Variants in PTPRN2 observed in about 807,000 individuals in gnomAD.
PTPRN2 encodes protein tyrosine phosphatase receptor type N2.
A neutral mutation model predicts 118.8 loss-of-function variants in PTPRN2; 74 were observed. That is an observed-to-expected ratio of 0.62 (90% CI 0.52 to 0.76). The LOEUF (loss-of-function observed/expected upper bound fraction) is 0.76, where lower values mean the gene tolerates loss of function less well. PTPRN2 is among the 30% of genes least tolerant of loss of function. The pLI, the probability that PTPRN2 is intolerant of heterozygous loss-of-function variation, is 0.00. For synonymous variants in PTPRN2, 641 were observed against 608.0 expected (o/e 1.05, Z -0.80); for missense variants, 1,481 against 1,394.4 (o/e 1.06, Z -0.99).
In PTPRN2 at chr7:158,090,009, A is replaced by G. The variant is rs1156659121; in HGVS notation, c.1644-8632T>C. On this transcript the variant is annotated intron_variant, in intron 10 of 22. Coordinates refer to ENST00000389418, the MANE Select transcript of PTPRN2 (RefSeq NM_002847.5). Reference sequence around the variant, plus strand: ...CCCTTCCTCCCCTGACGAAAGAGGGAGTCTTCACACAAACCCTTCCTCCCC... The same window carrying G: ...CCCTTCCTCCCCTGACGAAAGAGGGGGTCTTCACACAAACCCTTCCTCCCC... Among the ~76,000 whole-genome samples the G allele has an allele frequency of 7.4e-5, 3 of 40,808 alleles. 1 individual carries two copies. The highest frequency in any genetic ancestry group is 2.5e-4 in the Non-Finnish European group (3 of 12,142). The allele number at this position is 40,808 out of a possible 152,430, so 26.8% of individuals were successfully genotyped here.
At chr7:158,187,212 A>G (rs1301884551) in intron 5 of PTPRN2, among the ~76,000 whole-genome samples, 1 of 152,230 alleles carries the variant, frequency 6.6e-6, no homozygotes, top group African/African-American at 2.4e-5. Context: ...TTATATTCCC[A>G]GTGGAATAAA....
chr7:158,071,636 G>T (rs1585340105), intron 11 of PTPRN2, among the ~76,000 whole-genome samples: 1 of 141,216 alleles, frequency 7.1e-6, no homozygotes, highest in Non-Finnish European at 1.6e-5. Context: ...TCGTGGTGGT[G>T]GAGATGCTCG....
At chr7:158,370,797 C>A (rs898115263) in intron 2 of PTPRN2, among the ~76,000 whole-genome samples, 1 of 151,930 alleles carries the variant, frequency 6.6e-6, no homozygotes, top group Non-Finnish European at 1.5e-5. Flanking sequence ...GCTGGGAGAA[C>A]CAGAATAAAT....
chr7:157,891,611 G>A (rs938270978), intron 12 of PTPRN2, among the ~76,000 whole-genome samples: 9 of 151,768 alleles, frequency 5.9e-5, no homozygotes, highest in African/African-American at 2.2e-4. Context: ...ATTTTTCATG[G>A]GGTGGATGCA....
At chr7:158,536,801 G>A (rs1181547544) in intron 1 of PTPRN2, among the ~76,000 whole-genome samples, 9 of 146,196 alleles carry the variant, frequency 6.2e-5, no homozygotes, top group Admixed American at 2.0e-4. Flanking sequence ...TTCCCAGCCT[G>A]CCATCACTGA....
At chr7:158,192,251 C>T in intron 5 of PTPRN2, 76 bp downstream of exon 5, 1 of 1,359,768 alleles carries the variant, frequency 7.4e-7, no homozygotes, top group Non-Finnish European at 9.6e-7. Context: ...GAGCCAGCGA[C>T]TAAGGAAACA....
intron 6 of PTPRN2, among the ~76,000 whole-genome samples, chr7:158,149,502 A>G (rs1038106681): frequency 1.3e-5 from 2 of 151,932 alleles, no homozygotes; most frequent in Admixed American, 6.6e-5. Flanking sequence ...TAACTCACTG[A>G]TTTTTAAAAA....
chr7:158,011,559 T>A (rs925067893), intron 11 of PTPRN2, among the ~76,000 whole-genome samples: 5 of 152,178 alleles, frequency 3.3e-5, no homozygotes, highest in Non-Finnish European at 7.3e-5. Context: ...TAAGAACATA[T>A]CATGATGCTT....
At chr7:157,852,262 A>C (rs944157353) in intron 12 of PTPRN2, among the ~76,000 whole-genome samples, 5 of 152,248 alleles carry the variant, frequency 3.3e-5, no homozygotes, top group African/African-American at 1.2e-4. Context: ...ATTTTTTTAA[A>C]AGTCAGTTTG....
At position 158,544,309 on chromosome 7, in the gene PTPRN2, C is replaced by G. The variant is rs1826158767; in HGVS notation, c.112+43249G>C. ...CCCACGAGATGGCTCTGAATGTGGC[C>G]CAACACAAATTCATAAACTTTCTTA... On this transcript the variant is annotated intron_variant, in intron 1 of 22. Coordinates refer to ENST00000389418, the MANE Select transcript of PTPRN2 (RefSeq NM_002847.5). This position sits in a 1 kb window ranked among gnomAD's most constrained non-coding sequence, Gnocchi z 4.2. Among the ~76,000 whole-genome samples, 1 of 151,946 alleles carries G rather than the reference C, an allele frequency of 6.6e-6. No homozygotes were observed. Among genetic ancestry groups the G allele is most frequent in the Non-Finnish European group, 1.5e-5 (1 of 67,970 alleles).
chr7:158,392,982 G>A (rs1469411117), intron 2 of PTPRN2, among the ~76,000 whole-genome samples: 2 of 152,182 alleles, frequency 1.3e-5, no homozygotes, highest in African/African-American at 4.8e-5. Flanking sequence ...CTCCAGGGAG[G>A]CTGAAAACAG....
chr7:157,860,478 G>A (rs1261865859), intron 12 of PTPRN2, among the ~76,000 whole-genome samples: 1 of 152,254 alleles, frequency 6.6e-6, no homozygotes, highest in Non-Finnish European at 1.5e-5. Context: ...AGAAATGGCG[G>A]AGTTGGCAGT....
At chr7:157,932,496 TA>T (rs1472960020) in intron 11 of PTPRN2, among the ~76,000 whole-genome samples, 9 of 152,022 alleles carry the variant, frequency 5.9e-5, no homozygotes, top group Admixed American at 2.0e-4. Flanking sequence ...ATTTTTAGAG[TA>T]GGGGTGACTC....
At position 157,671,273 on chromosome 7, in the gene PTPRN2, T is replaced by C. The variant is rs1270443919; in HGVS notation, c.2001+11452A>G. 6.6e-6 allele frequency among the ~76,000 whole-genome samples: 1 copy of C among 152,056 alleles called. No individual in the cohort carries two copies. The highest frequency in any genetic ancestry group is 1.5e-5 in the Non-Finnish European group (1 of 68,002). ...GCTGTCCCCACACGGGCTGGTCTGG[T>C]GTGGGCAACAAGGCCCGCTCTGCAC... On this transcript the variant is annotated intron_variant, in intron 13 of 22. Coordinates refer to ENST00000389418, the MANE Select transcript of PTPRN2 (RefSeq NM_002847.5). This position sits in a 1 kb window ranked among gnomAD's most constrained non-coding sequence, Gnocchi z 4.1.
At chr7:158,314,881 C>T (rs1447311204) in intron 3 of PTPRN2, among the ~76,000 whole-genome samples, 3 of 149,984 alleles carry the variant, frequency 2.0e-5, no homozygotes. Context: ...GAGGTGAACC[C>T]GGGACCCCCT....
intron 14 of PTPRN2, among the ~76,000 whole-genome samples, chr7:157,638,535 C>T (rs140595876): frequency 2.6e-5 from 4 of 152,194 alleles, no homozygotes; most frequent in Non-Finnish European, 5.9e-5. Flanking sequence ...TGCTTTGAAA[C>T]GAGGAGTTTG....
intron 11 of PTPRN2, among the ~76,000 whole-genome samples, chr7:157,982,264 TAGAG>T (rs1803291197): frequency 2.6e-5 from 1 of 37,946 alleles, no homozygotes; most frequent in Non-Finnish European, 5.0e-5. Flanking sequence ...CCCCGAGTCA[TAGAG>T]CCAAGGAGGG....
intron 4 of PTPRN2, among the ~76,000 whole-genome samples, chr7:158,199,158 C>A (rs553807800): frequency 6.6e-6 from 1 of 152,080 alleles, no homozygotes; most frequent in South Asian, 2.1e-4. Flanking sequence ...GTTCCTGGTT[C>A]TCAGGTCCTC....
chr7:158,333,954 G>A (rs77634251), intron 2 of PTPRN2, among the ~76,000 whole-genome samples: 20 of 39,334 alleles, frequency 5.1e-4, no homozygotes, highest in Admixed American at 1.8e-3. Flanking sequence ...GCCCGCAGAG[G>A]TCACTCACAC....
Sources: allele counts gnomAD v4.1 joint callset (sites outside exome capture counted in the v4.1 genomes callset), GRCh38; gene constraint gnomAD v4.1.1; non-coding constraint Gnocchi (gnomAD v3.1); transcripts MANE v1.5; gene names NCBI Gene and HGNC (gene_info 2026-07-23, HGNC 2026-07-21).